The following GRIK5 variants were observed in gnomAD, a reference collection of about 807,000 sequenced individuals.
GRIK5 encodes glutamate receptor ionotropic, kainate 5.
In GRIK5, 43 loss-of-function variants were observed where a neutral mutation model predicts 97.4. The ratio of observed to expected loss-of-function variants is 0.44; its 90% confidence interval spans 0.35 to 0.57. The LOEUF is 0.57. Ranked by LOEUF, GRIK5 falls within the 20% of genes least tolerant of loss-of-function variation. The pLI is 0.01. For missense variants in GRIK5, 1,015 were observed against 1,382.0 expected, an observed-to-expected ratio of 0.73 and a Z score of 4.21; for synonymous variants, 580 against 583.5, an observed-to-expected ratio of 0.99 and a Z score of 0.09.
At chr19:42,001,516 A>G (rs1024940028) in intron 19 of GRIK5, among the ~76,000 whole-genome samples, 4 of 152,198 alleles carry the variant, frequency 2.6e-5, no homozygotes, top group Non-Finnish European at 4.4e-5. Context: ...GGCGTGAGCC[A>G]CCACACCTGG....
intron 12 of GRIK5, among the ~76,000 whole-genome samples, chr19:42,023,824 G>A (rs951964775): frequency 1.3e-5 from 2 of 152,140 alleles, no homozygotes; most frequent in Admixed American, 6.5e-5. Flanking sequence ...CCTCATCGGC[G>A]CCCCCTGCCG....
intron 12 of GRIK5, among the ~76,000 whole-genome samples, chr19:42,041,496 T>C (rs978780503): frequency 6.6e-6 from 1 of 152,182 alleles, no homozygotes; most frequent in African/African-American, 2.4e-5. Context: ...ACTATAGACC[T>C]GCAAGGTATT....
Position 42,002,154 on chromosome 19 carries a change from G to A in GRIK5, c.2514+1178C>T, listed in dbSNP as rs1555871025. ...TGCTGGTGACAAGAGTGGCTTCAGT[G>A]GAGTGGCAGGGACCGATGCCAGACT... On this transcript the variant is annotated intron_variant, in intron 19 of 19. Transcript: ENST00000593562. The surrounding 1 kb of genome is among the most constrained non-coding windows in gnomAD (Gnocchi z 5.2). The A allele has an allele frequency of 8.4e-6, 6 of 717,530 alleles. No individual in the cohort carries two copies. Among genetic ancestry groups the A allele is most frequent in the Non-Finnish European group, 1.6e-5 (6 of 385,108 alleles). 44.4% of individuals were successfully genotyped at this position (717,530 alleles called of 1,614,324 possible).
rs142854885 is a variant in GRIK5 at position 42,009,877 on chromosome 19, A to T, written c.1872-3067T>A. Among the ~76,000 whole-genome samples the T allele has an allele frequency of 2.9e-3, 443 of 150,766 alleles. 2 individuals carry two copies. Among genetic ancestry groups the T allele is most frequent in the Non-Finnish European group, 5.0e-3 (340 of 67,736 alleles). On this transcript the variant is annotated intron_variant, in intron 15 of 19. Coordinates refer to ENST00000593562, the MANE Select transcript of GRIK5 (RefSeq NM_002088.5). ...AGCTCAGGGGTTCTAGACCAGCCTG[A>T]CCAACATGGAGAAACCCCATCTCTA...
Position 42,038,819 on chromosome 19 carries a change from T to C in GRIK5, c.1473+3733A>G, listed in dbSNP as rs142161473. 5.4e-3 allele frequency among the ~76,000 whole-genome samples: 829 copies of C among 152,332 alleles called. 9 individuals carry two copies. The highest frequency in any genetic ancestry group is 0.019 in the African/African-American group (788 of 41,568). ...CAAATGACAGCTGCTGCTGTTGTGA[T>C]GACGGTGGTGACTATTCCTGTGCAG... On this transcript the variant is annotated intron_variant, in intron 12 of 19. Transcript: ENST00000593562.
intron 3 of GRIK5, among the ~76,000 whole-genome samples, chr19:42,064,730 C>A (rs981705330): frequency 6.6e-6 from 1 of 152,254 alleles, no homozygotes; most frequent in African/African-American, 2.4e-5. Context: ...CACATCTGTT[C>A]AAGTGACACC....
chr19:42,052,398 G>C (rs1051716112), intron 11 of GRIK5, among the ~76,000 whole-genome samples: 3 of 152,046 alleles, frequency 2.0e-5, no homozygotes, highest in African/African-American at 7.2e-5. Flanking sequence ...TCCCTGGGGA[G>C]GCTGTTAGGA....
At position 42,048,125 on chromosome 19, in the gene GRIK5, T is replaced by C. The variant is rs138224533; in HGVS notation, c.1270-5370A>G. Reference sequence around the variant, plus strand: ...CAAATAGTAGAATATCTTCATGATATAGGGGTATACACGGAATTCTTAAAT... The same window carrying C: ...CAAATAGTAGAATATCTTCATGATACAGGGGTATACACGGAATTCTTAAAT... On this transcript the variant is annotated intron_variant, in intron 11 of 19. Transcript: ENST00000593562. 6.2e-4 allele frequency among the ~76,000 whole-genome samples: 94 copies of C among 152,152 alleles called. 1 individual carries two copies. The East Asian group carries it at 0.014, about 23-fold the overall frequency.
intron 12 of GRIK5, among the ~76,000 whole-genome samples, chr19:42,034,968 T>C (rs1184278503): frequency 6.6e-6 from 1 of 152,102 alleles, no homozygotes; most frequent in East Asian, 1.9e-4. Flanking sequence ...ATTCAGTAAG[T>C]GAATGACTAA....
At chr19:42,028,621 C>T (rs2075800783) in intron 12 of GRIK5, among the ~76,000 whole-genome samples, 1 of 152,262 alleles carries the variant, frequency 6.6e-6, no homozygotes, top group East Asian at 1.9e-4. Context: ...AAGCACCTCT[C>T]CCCAGGGTCT....
Position 42,022,057 on chromosome 19 carries a change from C to T in GRIK5, c.1588-1G>A. The T allele has an allele frequency of 1.2e-6, 2 of 1,607,352 alleles. No homozygotes were observed. The highest frequency in any genetic ancestry group is 1.7e-6 in the Non-Finnish European group (2 of 1,174,968). The stretch of plus-strand genomic sequence containing the variant: ...AGGAGAAGTAGCCAGGCTTGCGGCC[C>T]TGTGGGGAGAGGGAGTGAGACCCGG... On this transcript the variant is annotated splice_acceptor_variant, in intron 13 of 19. Coordinates refer to ENST00000593562, the MANE Select transcript of GRIK5 (RefSeq NM_002088.5). LOFTEE classifies it high-confidence loss of function. The surrounding 1 kb of genome is among the most constrained non-coding windows in gnomAD (Gnocchi z 4.2).
intron 6 of GRIK5, among the ~76,000 whole-genome samples, chr19:42,058,305 C>T (rs910371984): frequency 4.6e-5 from 7 of 151,782 alleles, no homozygotes; most frequent in African/African-American, 1.2e-4. Flanking sequence ...CTCAGCCTCC[C>T]GAGTAGCTGG....
intron 11 of GRIK5, among the ~76,000 whole-genome samples, chr19:42,053,114 TA>T: frequency 6.6e-6 from 1 of 152,200 alleles, no homozygotes; most frequent in Admixed American, 6.5e-5. Flanking sequence ...GGTGCTTGGG[TA>T]CTGAGAGGTC....
intron 15 of GRIK5, among the ~76,000 whole-genome samples, chr19:42,015,014 G>A (rs962866401): frequency 3.3e-5 from 5 of 152,200 alleles, no homozygotes; most frequent in Non-Finnish European, 7.3e-5. Flanking sequence ...GCCTATATTA[G>A]TATCAAAAAA....
At chr19:42,019,030 G>A (rs192220689) in intron 15 of GRIK5, among the ~76,000 whole-genome samples, 13 of 152,318 alleles carry the variant, frequency 8.5e-5, no homozygotes, top group South Asian at 8.3e-4. Flanking sequence ...CAAAGGCTCC[G>A]ATGAGGGAGG....
intron 15 of GRIK5, among the ~76,000 whole-genome samples, chr19:42,008,499 C>T (rs1327162423): frequency 6.6e-6 from 1 of 152,110 alleles, no homozygotes; most frequent in African/African-American, 2.4e-5. Context: ...TGATAGCACA[C>T]GCCTGTGATC....
intron 19 of GRIK5, among the ~76,000 whole-genome samples, chr19:42,000,992 T>G (rs1410919474): frequency 6.6e-6 from 1 of 152,190 alleles, no homozygotes. Flanking sequence ...GCCTTAGAGA[T>G]AGCAGAGGGC....
At chr19:42,005,478 TAC>T (rs1555872235) in intron 17 of GRIK5, among the ~76,000 whole-genome samples, 3 of 152,156 alleles carry the variant, frequency 2.0e-5, no homozygotes, top group East Asian at 1.9e-4. Flanking sequence ...CTGAATTGTA[TAC>T]ACAGTCTCAC....
rs117586025 is a variant in GRIK5, at chr19:42,029,959, A to C, written c.1474-7605T>G. 2.7e-3 allele frequency among the ~76,000 whole-genome samples: 414 copies of C among 152,214 alleles called. 2 individuals carry two copies. Among genetic ancestry groups the C allele is most frequent in the Non-Finnish European group, 4.1e-3 (282 of 68,010 alleles). On this transcript the variant is annotated intron_variant, in intron 12 of 19. Coordinates refer to ENST00000593562, the MANE Select transcript of GRIK5 (RefSeq NM_002088.5). ...CTGTGGGGCCCTCCTCTAAGCTTCT[A>C]AGTTTTCATCTTTCAAACTCTTCTA... is the stretch of plus-strand genomic sequence containing the variant.
Sources: allele counts gnomAD v4.1 joint callset (sites outside exome capture counted in the v4.1 genomes callset), GRCh38; gene constraint gnomAD v4.1.1; non-coding constraint Gnocchi (gnomAD v3.1); transcripts MANE v1.5; gene names NCBI Gene and HGNC (gene_info 2026-07-23, HGNC 2026-07-21).